Variants in GFM1 observed in about 807,000 individuals in gnomAD.
The protein encoded by GFM1 is G elongation factor mitochondrial 1, also known as elongation factor G, mitochondrial.
A neutral mutation model predicts 96.2 loss-of-function variants in GFM1; 62 were observed. That is an observed-to-expected ratio of 0.64 (90% CI 0.53 to 0.80). GFM1 has a LOEUF of 0.80. Among genes scored for constraint, GFM1 ranks in the 30% least tolerant of loss-of-function variants. The pLI is 0.00. For synonymous variants in GFM1, 282 were observed against 312.9 expected, an observed-to-expected ratio of 0.90 and a Z score of 1.04; for missense variants, 852 against 916.6, an observed-to-expected ratio of 0.93 and a Z score of 0.91.
intron 13 of GFM1, among the ~76,000 whole-genome samples, chr3:158,675,025 A>C (rs530037940): frequency 3.3e-5 from 5 of 152,238 alleles, no homozygotes; most frequent in African/African-American, 7.2e-5. Flanking sequence ...GCAGTGGCTC[A>C]CGCCTGTAAT....
chr3:158,666,562 T>G (rs1047115696), intron 13 of GFM1, 176 bp downstream of exon 13: 9 of 1,295,862 alleles, frequency 6.9e-6, no homozygotes, highest in Non-Finnish European at 1.0e-5. Flanking sequence ...ACTTTGGGAT[T>G]ATTTGGCCTC....
At position 158,646,879 on chromosome 3, in the gene GFM1, G is replaced by A. The variant is rs767586099; in HGVS notation, c.504G>A (p.Pro168=). 2.5e-6 allele frequency: 4 copies of A among 1,614,082 alleles called. No individual in the cohort carries two copies. Among genetic ancestry groups the A allele is most frequent in the Non-Finnish European group, 3.4e-6 (4 of 1,180,016 alleles). ...VNRQMKRYNV[P]FLTFINKLDR... ...GTCAGATGAAGCGCTACAACGTTCC[G>A]TTTCTAACTTTTATTAACAAATTGG... Residue 168 remains proline, a synonymous_variant, in exon 4 of 18, where the codon CCG becomes CCA. Transcript: ENST00000486715.
intron 15 of GFM1, chr3:158,685,137 A>C (rs1243935056): frequency 6.4e-6 from 1 of 157,088 alleles, no homozygotes; most frequent in African/African-American, 2.4e-5. Flanking sequence ...CCTTATTCAC[A>C]ATGCAGATTT....
At position 158,691,734 on chromosome 3, in the gene GFM1, T is replaced by C. The variant is rs1469897470; in HGVS notation, c.*267T>C. The C allele has an allele frequency of 3.2e-6, 1 of 315,300 alleles. No individual in the cohort carries two copies. Among genetic ancestry groups the C allele is most frequent in the East Asian group, 7.3e-5 (1 of 13,678 alleles). 19.5% of individuals were successfully genotyped at this position (315,300 alleles called of 1,614,324 possible). ...ATAAAATATAATTATTACTGAAATA[T>C]GTTTAATATTTAAGGGGAAAAGAGA... On this transcript the variant is annotated 3_prime_UTR_variant, in exon 18 of 18. Coordinates refer to ENST00000486715, the MANE Select transcript of GFM1 (RefSeq NM_024996.7).
Position 158,645,782 on chromosome 3 carries a change from G to GTA in GFM1, c.234+7_234+8dup. The GTA allele has an allele frequency of 6.2e-7, 1 of 1,609,012 alleles. No homozygotes were observed. The highest frequency in any genetic ancestry group is 8.5e-7 in the Non-Finnish European group (1 of 1,175,406). ...TGGCAGAATTGCAAAGATGCATGAG[G>GTA]TATATATTCACGGTTGATTCCGGAT... On this transcript the variant is annotated splice_donor_variant, in intron 2 of 17. Coordinates refer to ENST00000486715, the MANE Select transcript of GFM1 (RefSeq NM_024996.7). LOFTEE classifies it high-confidence loss of function.
intron 6 of GFM1, among the ~76,000 whole-genome samples, chr3:158,652,984 G>A (rs552903265): frequency 9.2e-5 from 14 of 152,034 alleles, no homozygotes; most frequent in African/African-American, 2.2e-4. Context: ...CAATTGTAGC[G>A]TACTGTTTGC....
In GFM1 at chr3:158,691,618, T is replaced by C; in HGVS notation, c.*151T>C. The stretch of plus-strand genomic sequence containing the variant: ...TTTCTTCAAAAGAAGCCCTTCTTGT[T>C]CATATTCAGGAGCTTCTGTTATATT... On this transcript the variant is annotated 3_prime_UTR_variant, in exon 18 of 18. Transcript: ENST00000486715. 1 of 745,810 alleles carries C rather than the reference T, an allele frequency of 1.3e-6. No individual in the cohort carries two copies. Among genetic ancestry groups the C allele is most frequent in the Admixed American group, 2.3e-5 (1 of 42,900 alleles). 46.2% of individuals were successfully genotyped at this position (745,810 alleles called of 1,614,324 possible). A position where few individuals can be genotyped will look rare whatever the true frequency, so the allele number is the denominator to read the frequency against.
At chr3:158,678,089 G>C (rs1725054343) in intron 13 of GFM1, among the ~76,000 whole-genome samples, 1 of 152,082 alleles carries the variant, frequency 6.6e-6, no homozygotes, top group Non-Finnish European at 1.5e-5. Flanking sequence ...TTACAGCATG[G>C]CTTACTGAAT....
Position 158,653,403 on chromosome 3 carries a change from G to A in GFM1, c.934G>A (p.Ala312Thr). 4 of 1,613,000 alleles carry A rather than the reference G, an allele frequency of 2.5e-6. No individual in the cohort carries two copies. The highest frequency in any genetic ancestry group is 3.4e-6 in the Non-Finnish European group (4 of 1,179,064). ...KNKGVQPLLD[A>T]VLEYLPNPSE... ...CAAAGGAGTTCAGCCTCTTTTAGAT[G>A]CTGTTTTAGAATACCTCCCAAATCC... is the stretch of plus-strand genomic sequence containing the variant. The change falls in exon 7 of 18, where the codon GCT becomes ACT. Residue 312 changes from alanine to threonine, a missense_variant. By Grantham distance (58) the Ala-to-Thr change is moderately conservative. Coordinates refer to ENST00000486715, the MANE Select transcript of GFM1 (RefSeq NM_024996.7).
intron 9 of GFM1, 150 bp from the exon 10 acceptor site, chr3:158,660,724 G>C (rs956218149): frequency 1.0e-5 from 7 of 684,894 alleles, no homozygotes; most frequent in Non-Finnish European, 1.8e-5. Context: ...TTATTGTATT[G>C]GTTCTAGCTA....
Position 158,665,422 on chromosome 3 carries a change from A to G in GFM1, c.1466A>G (p.Lys489Arg), listed in dbSNP as rs746980158. ...TFKVYFDTEN[K>R]ETVISGMGEL... ...AAAGTATACTTTGACACTGAGAACA[A>G]AGAGACAGTTATATCTGGAATGGGA... is the stretch of plus-strand genomic sequence containing the variant. The change falls in exon 12 of 18, where the codon AAA becomes AGA. Residue 489 changes from lysine to arginine, a missense_variant. Coordinates refer to ENST00000486715, the MANE Select transcript of GFM1 (RefSeq NM_024996.7). 6.2e-7 allele frequency: 1 copy of G among 1,610,568 alleles called. No individual in the cohort carries two copies. Among genetic ancestry groups the G allele is most frequent in the South Asian group, 1.1e-5 (1 of 91,016 alleles).
At position 158,691,626 on chromosome 3, in the gene GFM1, A is replaced by G; in HGVS notation, c.*159A>G. 1.5e-6 allele frequency: 1 copy of G among 688,720 alleles called. No individual in the cohort carries two copies. The highest frequency in any genetic ancestry group is 2.5e-5 in the Admixed American group (1 of 39,340). The allele number at this position is 688,720 out of a possible 1,614,324, so 42.7% of individuals were successfully genotyped here. A position where few individuals can be genotyped will look rare whatever the true frequency, so the allele number is the denominator to read the frequency against. On this transcript the variant is annotated 3_prime_UTR_variant, in exon 18 of 18. Transcript: ENST00000486715. The stretch of plus-strand genomic sequence containing the variant: ...AAAGAAGCCCTTCTTGTTCATATTC[A>G]GGAGCTTCTGTTATATTCAAAGGTA...
chr3:158,669,379 A>T (rs996589129), intron 13 of GFM1: 34 of 1,507,616 alleles, frequency 2.3e-5, no homozygotes, highest in Non-Finnish European at 3.1e-5. Flanking sequence ...CAGATAATTG[A>T]GATTGATTTT....
intron 2 of GFM1, 98 bp downstream of exon 2, chr3:158,645,879 A>C: frequency 8.6e-7 from 1 of 1,163,374 alleles, no homozygotes; most frequent in South Asian, 1.2e-5. Flanking sequence ...AGATTAAAAC[A>C]ATGGTAACAG....
rs1332270607 is a variant in GFM1, at chr3:158,682,093, T to G, written c.1700T>G (p.Leu567Trp). 6.2e-7 allele frequency: 1 copy of G among 1,613,812 alleles called. No individual in the cohort carries two copies. The highest frequency in any genetic ancestry group is 8.5e-7 in the Non-Finnish European group (1 of 1,179,812). Residue 567 changes from leucine to tryptophan, a missense_variant, in exon 14 of 18, where the codon TTG becomes TGG. Physicochemically the swap from Leu to Trp is moderately conservative, Grantham distance 61. Coordinates refer to ENST00000486715, the MANE Select transcript of GFM1 (RefSeq NM_024996.7). ...CTGGACCCAGAGGACTACACTAAAT[T>G]GGAATTTTCAGATGAAACATTCGGA... Reference protein sequence around the residue: ...EPLDPEDYTKLEFSDETFGSN... With the variant: ...EPLDPEDYTKWEFSDETFGSN...
rs757691557 is a variant in GFM1, at chr3:158,662,628, G to T, written c.1324G>T (p.Glu442Ter). ...TDKANSGLSM[E>*]SIHVPDPVIS... Reference sequence around the variant, plus strand: ...TGTTTTCTTTTAAAAAATATTTTAGGAGTCAATTCATGTTCCTGATCCTGT... The same window carrying T: ...TGTTTTCTTTTAAAAAATATTTTAGTAGTCAATTCATGTTCCTGATCCTGT... The change falls in exon 11 of 18, where the codon GAG becomes TAG. Residue 442 changes from glutamate to a stop codon, truncating the protein, a stop_gained and splice_region_variant. Coordinates refer to ENST00000486715, the MANE Select transcript of GFM1 (RefSeq NM_024996.7). LOFTEE classifies it high-confidence loss of function. 4 of 1,576,816 alleles carry T rather than the reference G, an allele frequency of 2.5e-6. No individual in the cohort carries two copies. The South Asian group carries it at 3.3e-5, about 13-fold the overall frequency.
At chr3:158,665,542 T>A in intron 12 of GFM1, 68 bp downstream of exon 12, 1 of 1,387,124 alleles carries the variant, frequency 7.2e-7, no homozygotes, top group Non-Finnish European at 1.0e-6. Flanking sequence ...AAGTCAATAA[T>A]TCTCAATCTA....
rs1725668640 is a variant in GFM1 at position 158,684,513 on chromosome 3, T to C, written c.1765-11T>C. The C allele has an allele frequency of 3.7e-6, 6 of 1,613,886 alleles. No homozygotes were observed. Among genetic ancestry groups the C allele is most frequent in the Non-Finnish European group, 3.4e-6 (4 of 1,179,898 alleles). ...CCACTCACTCCAGAAGTTGTGTTCA[T>C]TCATTAACAGGGGTTTTTAGATGCC... On this transcript the variant is annotated splice_polypyrimidine_tract_variant and intron_variant, in intron 14 of 17. Coordinates refer to ENST00000486715, the MANE Select transcript of GFM1 (RefSeq NM_024996.7).
rs1308628311 is a variant in GFM1 at position 158,665,322 on chromosome 3, C to A, written c.1381-15C>A. ...GCTCAGTAAAACATATAGTGACTTT[C>A]TTCTTCTTTTAAAGAACGATCTGGA... On this transcript the variant is annotated splice_polypyrimidine_tract_variant and intron_variant, in intron 11 of 17. Coordinates refer to ENST00000486715, the MANE Select transcript of GFM1 (RefSeq NM_024996.7). 1.2e-5 allele frequency: 19 copies of A among 1,596,720 alleles called. No homozygotes were observed. The highest frequency in any genetic ancestry group is 1.5e-5 in the Non-Finnish European group (18 of 1,164,770).
Sources: gnomAD v4.1 joint callset for allele counts (sites outside exome capture counted in the v4.1 genomes callset) on GRCh38, gnomAD v4.1.1 for gene constraint, MANE v1.5 for transcripts, NCBI Gene and HGNC (gene_info 2026-07-23, HGNC 2026-07-21) for gene names.